Variants in DST observed in about 807,000 individuals in gnomAD.
The protein encoded by DST is bullous pemphigoid antigen.
A neutral mutation model predicts 875.2 loss-of-function variants in DST; 253 were observed. The observed-to-expected ratio is 0.29, with a 90% CI of 0.26 to 0.32. The LOEUF (loss-of-function observed/expected upper bound fraction) is 0.32. DST is among the 10% of genes least tolerant of loss of function. The probability of loss-of-function intolerance (pLI) is 1.00; values close to 1 mark genes in which losing one functional copy is unlikely to be tolerated. For synonymous variants in DST, 3,124 were observed against 3,197.1 expected, an observed-to-expected ratio of 0.98 and a Z score of 0.77; for missense variants, 8,287 against 9,111.6, an observed-to-expected ratio of 0.91 and a Z score of 3.68.
intron 36 of DST, 46 bp downstream of exon 36, chr6:56,624,484 T>A (rs765770845): frequency 7.5e-7 from 1 of 1,330,994 alleles, no homozygotes; most frequent in Non-Finnish European, 1.1e-6. Flanking sequence ...TTACTGCTCA[T>A]CTCTAGCTCC....
chr6:56,621,031 C>T (rs1283822667), intron 36 of DST, among the ~76,000 whole-genome samples: 1 of 152,042 alleles, frequency 6.6e-6, no homozygotes, highest in Non-Finnish European at 1.5e-5. Context: ...AAGGGAGAAA[C>T]GAGGAGGACA....
At chr6:56,537,010 T>C (rs2097016932) in intron 61 of DST, 70 bp from the exon 62 acceptor site, 10 of 1,381,948 alleles carry the variant, frequency 7.2e-6, no homozygotes, top group Non-Finnish European at 9.1e-6. Context: ...AATAAGCATT[T>C]CTTTAGGCAT....
At chr6:56,699,207 T>C (rs2099279577) in intron 9 of DST, among the ~76,000 whole-genome samples, 1 of 152,254 alleles carries the variant, frequency 6.6e-6, no homozygotes, top group Non-Finnish European at 1.5e-5. Flanking sequence ...AAAACATGAA[T>C]ACTTTTCTTC....
intron 4 of DST, among the ~76,000 whole-genome samples, chr6:56,816,534 T>C (rs1379701529): frequency 2.6e-5 from 4 of 152,334 alleles, no homozygotes; most frequent in African/African-American, 2.4e-5. Context: ...TGTATTATTA[T>C]AGGCCTATGG....
At chr6:56,897,467 A>T (rs1792000267) in intron 3 of DST, among the ~76,000 whole-genome samples, 2 of 152,130 alleles carry the variant, frequency 1.3e-5, no homozygotes, top group Admixed American at 1.3e-4. Context: ...AGTAGCTGGG[A>T]TTACAGGCGT....
chr6:56,704,182 T>C, intron 6 of DST, 98 bp downstream of exon 6: 1 of 561,164 alleles, frequency 1.8e-6, no homozygotes, highest in East Asian at 3.4e-5. Flanking sequence ...AAAAGATGAA[T>C]GTTGCAAAAA....
chr6:56,927,732 A>T (rs1321126707), intron 2 of DST, among the ~76,000 whole-genome samples: 3 of 152,246 alleles, frequency 2.0e-5, no homozygotes, highest in Admixed American at 1.3e-4. Context: ...TCAATAAAAT[A>T]GGAATGCATG....
chr6:56,709,915 T>C (rs1449665381), intron 5 of DST, among the ~76,000 whole-genome samples: 3 of 151,964 alleles, frequency 2.0e-5, no homozygotes, highest in Non-Finnish European at 4.4e-5. Flanking sequence ...AAACTACATA[T>C]GAGTTGCAAG....
chr6:56,573,131 T>A lies in DST; in HGVS notation c.13237-67A>T, dbSNP rs985865628. 3.8e-6 allele frequency: 5 copies of A among 1,309,244 alleles called. No homozygotes were observed. In the South Asian group the frequency reaches 8.1e-5, roughly 21 times the overall value. 81.1% of individuals were successfully genotyped at this position (1,309,244 alleles called of 1,614,324 possible). ...TATAAATAATGTGACAGAATTTTTT[T>A]AAATGACTATTCCTAACAACATAAG... On this transcript the variant is annotated intron_variant, in intron 51 of 103. Transcript: ENST00000680361.
At chr6:56,498,747 C>T (rs2096008935) in intron 80 of DST, among the ~76,000 whole-genome samples, 2 of 152,012 alleles carry the variant, frequency 1.3e-5, no homozygotes, top group South Asian at 4.1e-4. Context: ...CCAGAATATT[C>T]CTTTATCTTC....
At chr6:56,931,972 A>G (rs1448079254) in intron 2 of DST, among the ~76,000 whole-genome samples, 1 of 152,144 alleles carries the variant, frequency 6.6e-6, no homozygotes, top group East Asian at 1.9e-4. Flanking sequence ...CTGGGAAGGC[A>G]TGATTGGTTT....
chr6:56,852,041 C>G (rs1432855588), intron 3 of DST: 4 of 1,423,446 alleles, frequency 2.8e-6, no homozygotes, highest in Non-Finnish European at 3.7e-6. Context: ...CTCGAAGTTT[C>G]GAAAACAAAG....
chr6:56,662,694 C>T (rs966302717), intron 10 of DST, among the ~76,000 whole-genome samples: 8 of 152,154 alleles, frequency 5.3e-5, no homozygotes, highest in Non-Finnish European at 1.0e-4. Context: ...AATCCCAGCA[C>T]TTTGGGAGGC....
intron 8 of DST, 27 bp downstream of exon 8, chr6:56,701,861 G>C (rs2152877777): frequency 7.3e-7 from 1 of 1,375,050 alleles, no homozygotes; most frequent in East Asian, 2.3e-5. Context: ...ATATTTATAT[G>C]ATTACAGTAT....
At chr6:56,934,661 A>G (rs1812106060) in intron 2 of DST, among the ~76,000 whole-genome samples, 1 of 147,340 alleles carries the variant, frequency 6.8e-6, no homozygotes, top group African/African-American at 2.5e-5. Context: ...AAGGCACACT[A>G]ATGTCTCCAT....
intron 56 of DST, among the ~76,000 whole-genome samples, chr6:56,561,756 T>C (rs2097538763): frequency 6.6e-6 from 1 of 152,182 alleles, no homozygotes; most frequent in East Asian, 1.9e-4. Flanking sequence ...GAAAATTGCA[T>C]AACAAGTGAA....
chr6:56,649,785 C>T (rs1157622885), intron 12 of DST, among the ~76,000 whole-genome samples: 2 of 152,156 alleles, frequency 1.3e-5, no homozygotes, highest in Non-Finnish European at 2.9e-5. Flanking sequence ...TATGTAGACA[C>T]TGAAAATTTT....
At chr6:56,881,749 A>C (rs906359684) in intron 3 of DST, among the ~76,000 whole-genome samples, 5 of 152,134 alleles carry the variant, frequency 3.3e-5, no homozygotes, top group African/African-American at 4.8e-5. Context: ...ACAATCTGAA[A>C]ATTTAATCCA....
rs757173901 is a variant in DST at position 56,628,096 on chromosome 6, T to C, written c.4541A>G (p.Asp1514Gly). 5 of 1,613,826 alleles carry C rather than the reference T, an allele frequency of 3.1e-6. No homozygotes were observed. The South Asian group carries it at 4.4e-5, about 14-fold the overall frequency. Residue 1514 changes from aspartate to glycine, a missense_variant, in exon 33 of 104, where the codon GAT becomes GGT. Asp to Gly is a moderately conservative substitution (Grantham distance 94). This residue lies in a region of DST where 3,138 missense variants were observed against 3,116.6 expected (regional missense o/e 1.01). Coordinates refer to ENST00000680361, the MANE Select transcript of DST (RefSeq NM_001374736.1). ...AGTTTCAACCTGCTGGATCCAATCATCTAAAGGATGGTAAGTGTCTCTGTA... is the reference window on the plus strand; with the variant it reads ...AGTTTCAACCTGCTGGATCCAATCACCTAAAGGATGGTAAGTGTCTCTGTA... The part of the protein sequence containing the change: ...KYYRDTYHPL[D>G]DWIQQVETTQ...
Sources: allele counts gnomAD v4.1 joint callset (sites outside exome capture counted in the v4.1 genomes callset), GRCh38; gene constraint gnomAD v4.1.1; regional missense constraint gnomAD v4.1.1; transcripts MANE v1.5; gene names NCBI Gene and HGNC (gene_info 2026-07-23, HGNC 2026-07-21).